Variants in GADL1 observed in about 807,000 individuals in gnomAD.
GADL1 encodes acidic amino acid decarboxylase GADL1.
In GADL1, 71 loss-of-function variants were observed where a neutral mutation model predicts 69.5. The observed-to-expected ratio is 1.02, with a 90% confidence interval of 0.84 to 1.25. The LOEUF is 1.25. Ranked by LOEUF, GADL1 falls within the 50% of genes most tolerant of loss-of-function variation. The pLI is 0.00. For missense variants in GADL1, 737 were observed against 631.8 expected (o/e 1.17, Z -1.79); for synonymous variants, 254 against 214.4 (o/e 1.18, Z -1.62).
intron 9 of GADL1, among the ~76,000 whole-genome samples, chr3:30,838,087 C>T (rs1437198729): frequency 1.3e-5 from 2 of 151,926 alleles, no homozygotes; most frequent in Non-Finnish European, 2.9e-5. Context: ...GGGTATATCC[C>T]CCCAAATGCT....
chr3:30,803,903 G>A (rs1042502704), intron 11 of GADL1, among the ~76,000 whole-genome samples: 1 of 152,136 alleles, frequency 6.6e-6, no homozygotes, highest in African/African-American at 2.4e-5. Context: ...TTATTATTGT[G>A]CTATCAAAGA....
intron 14 of GADL1, among the ~76,000 whole-genome samples, chr3:30,764,113 T>C (rs1696209349): frequency 6.6e-6 from 1 of 152,130 alleles, no homozygotes; most frequent in African/African-American, 2.4e-5. Flanking sequence ...ATGTACATTA[T>C]ATATACTTAT....
intron 14 of GADL1, among the ~76,000 whole-genome samples, chr3:30,771,452 T>C (rs1696416420): frequency 6.6e-6 from 1 of 152,152 alleles, no homozygotes; most frequent in Non-Finnish European, 1.5e-5. Context: ...AGTTAAGCAT[T>C]CTTGAAATCT....
At chr3:30,821,412 T>A (rs1382754682) in intron 11 of GADL1, among the ~76,000 whole-genome samples, 1 of 152,126 alleles carries the variant, frequency 6.6e-6, no homozygotes, top group African/African-American at 2.4e-5. Context: ...TTTTTCTCTT[T>A]TTTTATACAC....
intron 11 of GADL1, among the ~76,000 whole-genome samples, chr3:30,817,830 A>G (rs182717251): frequency 9.2e-5 from 14 of 152,326 alleles, no homozygotes; most frequent in Admixed American, 5.2e-4. Flanking sequence ...AAAAGGACAT[A>G]TAATAGTCAT....
chr3:30,834,188 T>G (rs1186188019), intron 10 of GADL1, 29 bp downstream of exon 10: 1 of 1,586,460 alleles, frequency 6.3e-7, no homozygotes, highest in Non-Finnish European at 8.6e-7. Flanking sequence ...CTGACAAAAG[T>G]TGGCTGTACA....
In GADL1 at chr3:30,771,886, T is replaced by C. The variant is rs192186795; in HGVS notation, c.1392+6293A>G. Among the ~76,000 whole-genome samples, 296 of 137,004 alleles carry C rather than the reference T, an allele frequency of 2.2e-3. 1 individual carries two copies. Among genetic ancestry groups the C allele is most frequent in the African/African-American group, 9.8e-3 (282 of 28,796 alleles). The allele number at this position is 137,004 out of a possible 152,430, so 89.9% of individuals were successfully genotyped here. On this transcript the variant is annotated intron_variant, in intron 14 of 14. Transcript: ENST00000282538. Reference sequence around the variant, plus strand: ...GACGTTATACACAGGATTGCTGTTATTTCTAGCCGCTCCTAAGTCCAGATA... The same window carrying C: ...GACGTTATACACAGGATTGCTGTTACTTCTAGCCGCTCCTAAGTCCAGATA...
chr3:30,749,242 C>G (rs1695761535), intron 14 of GADL1, among the ~76,000 whole-genome samples: 1 of 148,320 alleles, frequency 6.7e-6, no homozygotes, highest in Non-Finnish European at 1.5e-5. Context: ...GTTTGTATTG[C>G]TCAGCATGTT....
At chr3:30,783,568 C>G (rs571142872) in intron 13 of GADL1, among the ~76,000 whole-genome samples, 1 of 152,136 alleles carries the variant, frequency 6.6e-6, no homozygotes, top group Non-Finnish European at 1.5e-5. Context: ...TATAGACATA[C>G]AAATGCATAT....
At chr3:30,854,848 C>T in intron 3 of GADL1, 59 bp from the exon 4 acceptor site, 1 of 797,654 alleles carries the variant, frequency 1.3e-6, no homozygotes, top group South Asian at 1.6e-5. Context: ...ACTACTGATA[C>T]AGCATTAACA....
intron 14 of GADL1, among the ~76,000 whole-genome samples, chr3:30,773,892 TCTC>T (rs1017584974): frequency 6.6e-6 from 1 of 152,046 alleles, no homozygotes; most frequent in African/African-American, 2.4e-5. Flanking sequence ...CTTACAGGAA[TCTC>T]CTGACGCTCA....
chr3:30,760,797 T>TA (rs1696107537), intron 14 of GADL1, among the ~76,000 whole-genome samples: 1 of 152,062 alleles, frequency 6.6e-6, no homozygotes, highest in Non-Finnish European at 1.5e-5. Context: ...CCACATGTTT[T>TA]TCTTCAGGTG....
intron 14 of GADL1, among the ~76,000 whole-genome samples, chr3:30,735,423 A>T (rs1204615647): frequency 6.6e-6 from 1 of 152,190 alleles, no homozygotes; most frequent in Non-Finnish European, 1.5e-5. Flanking sequence ...GATAAACAAA[A>T]CTGTGGTATA....
intron 14 of GADL1, among the ~76,000 whole-genome samples, chr3:30,770,415 G>A (rs1219565599): frequency 6.6e-6 from 1 of 152,214 alleles, no homozygotes. Flanking sequence ...ATGTGCAAAT[G>A]TTACACAGAA....
chr3:30,783,279 G>T (rs557212671), intron 13 of GADL1, among the ~76,000 whole-genome samples: 1 of 152,154 alleles, frequency 6.6e-6, no homozygotes, highest in African/African-American at 2.4e-5. Context: ...AATTGACAGT[G>T]TAAGAATGAA....
intron 14 of GADL1, among the ~76,000 whole-genome samples, chr3:30,761,748 A>G (rs988361495): frequency 6.6e-6 from 1 of 152,146 alleles, no homozygotes; most frequent in Non-Finnish European, 1.5e-5. Context: ...ACCAGTAAGT[A>G]AAAAATCTGG....
chr3:30,854,177 T>A (rs1035973539), intron 4 of GADL1, among the ~76,000 whole-genome samples: 1 of 152,184 alleles, frequency 6.6e-6, no homozygotes, highest in Non-Finnish European at 1.5e-5. Flanking sequence ...ATAACACTTA[T>A]TCAGTGTCAA....
intron 14 of GADL1, among the ~76,000 whole-genome samples, chr3:30,753,579 G>A (rs547731963): frequency 1.3e-5 from 2 of 151,280 alleles, no homozygotes; most frequent in East Asian, 1.9e-4. Flanking sequence ...TCAAACAAGC[G>A]TCGGAAGACC....
intron 1 of GADL1, among the ~76,000 whole-genome samples, chr3:30,887,848 C>T (rs918167182): frequency 2.0e-5 from 3 of 152,226 alleles, no homozygotes; most frequent in Admixed American, 2.0e-4. Context: ...ACTAGCAATG[C>T]ATATATGAAT....
Sources: gnomAD v4.1 joint callset for allele counts (sites outside exome capture counted in the v4.1 genomes callset) on GRCh38, gnomAD v4.1.1 for gene constraint, MANE v1.5 for transcripts, NCBI Gene and HGNC (gene_info 2026-07-23, HGNC 2026-07-21) for gene names.